CHODL: variants seen among roughly 807,000 people sequenced by gnomAD.
CHODL encodes the protein transmembrane protein MT75.
Under a neutral mutation model 34.5 loss-of-function variants are expected in CHODL, and 29 were observed. The observed-to-expected ratio is 0.84, with a 90% CI of 0.63 to 1.15. The LOEUF (loss-of-function observed/expected upper bound fraction) is 1.15. CHODL is among the 50% of genes most tolerant of loss of function. CHODL has a pLI of 0.00. For synonymous variants in CHODL, 125 were observed against 116.1 expected, an observed-to-expected ratio of 1.08 and a Z score of -0.49; for missense variants, 332 against 332.5, an observed-to-expected ratio of 1.00 and a Z score of 0.01.
chr21:17,964,118 T>C (rs562474442), intron 1 of CHODL, among the ~76,000 whole-genome samples: 5 of 152,312 alleles, frequency 3.3e-5, no homozygotes, highest in African/African-American at 1.2e-4. Context: ...CATTCATGCT[T>C]TGAAATTTCT....
chr21:17,978,828 T>C lies in CHODL; in HGVS notation c.-144-49044T>C, dbSNP rs1251324548. ...GATTCCACTTCCAGGCCCATTCATA[T>C]TGTTGACAGAATTAAGTTCTTTGTG... On this transcript the variant is annotated intron_variant, in intron 1 of 6. Coordinates refer to the CHODL transcript ENST00000400127. 5.3e-5 allele frequency among the ~76,000 whole-genome samples: 8 copies of C among 152,086 alleles called. No homozygotes were observed. The East Asian group carries it at 1.5e-3, about 29-fold the overall frequency.
At chr21:18,199,254 C>T (rs190433519) in intron 2 of CHODL, among the ~76,000 whole-genome samples, 1 of 151,926 alleles carries the variant, frequency 6.6e-6, no homozygotes, top group African/African-American at 2.4e-5. Flanking sequence ...CTTTTAAGGG[C>T]GGTATCGTTT....
chr21:18,020,296 A>G (rs949524673), intron 1 of CHODL, among the ~76,000 whole-genome samples: 1 of 152,210 alleles, frequency 6.6e-6, no homozygotes, highest in Non-Finnish European at 1.5e-5. Context: ...AATTAAATTA[A>G]TATGAAAAAT....
intron 1 of CHODL, among the ~76,000 whole-genome samples, chr21:18,004,484 A>G (rs1409832335): frequency 6.6e-6 from 1 of 152,240 alleles, no homozygotes; most frequent in Non-Finnish European, 1.5e-5. Context: ...GCTTGTTGAC[A>G]TACCTGAAAT....
At chr21:18,197,337 G>A (rs985780762) in intron 2 of CHODL, among the ~76,000 whole-genome samples, 8 of 152,146 alleles carry the variant, frequency 5.3e-5, no homozygotes, top group Non-Finnish European at 1.0e-4. Context: ...GTGGCTGAGC[G>A]CAGTGGCTCA....
At chr21:18,195,115 T>C (rs181908057) in intron 2 of CHODL, among the ~76,000 whole-genome samples, 3 of 152,052 alleles carry the variant, frequency 2.0e-5, no homozygotes, top group African/African-American at 7.2e-5. Flanking sequence ...AGTGCAGTGG[T>C]GTGATCTCCA....
intron 1 of CHODL, among the ~76,000 whole-genome samples, chr21:17,963,510 T>C (rs947885756): frequency 4.6e-5 from 7 of 152,190 alleles, no homozygotes; most frequent in African/African-American, 1.7e-4. Flanking sequence ...AGATAGCATA[T>C]GCAGGGGAAC....
At chr21:18,046,743 C>T (rs2064448412) in intron 2 of CHODL, among the ~76,000 whole-genome samples, 1 of 151,798 alleles carries the variant, frequency 6.6e-6, no homozygotes, top group South Asian at 2.1e-4. Flanking sequence ...ATGAATATAT[C>T]CTTTAACATT....
intron 2 of CHODL, among the ~76,000 whole-genome samples, chr21:18,193,715 A>T (rs980052046): frequency 9.8e-4 from 139 of 142,144 alleles, no homozygotes; most frequent in Non-Finnish European, 7.7e-4. Context: ...AAAAAATAAA[A>T]TAAATAAATA....
chr21:18,076,685 A>G (rs2064870471), intron 2 of CHODL, among the ~76,000 whole-genome samples: 1 of 152,194 alleles, frequency 6.6e-6, no homozygotes, highest in African/African-American at 2.4e-5. Context: ...GAAGCCAGGA[A>G]CTATTGTCTA....
chr21:18,041,798 G>A (rs1205035180), intron 2 of CHODL, among the ~76,000 whole-genome samples: 1 of 151,766 alleles, frequency 6.6e-6, no homozygotes, highest in Admixed American at 6.6e-5. Context: ...TAAATTACAG[G>A]TGAGTCTTAG....
intron 2 of CHODL, among the ~76,000 whole-genome samples, chr21:18,083,149 T>G (rs1426303577): frequency 6.6e-6 from 1 of 152,204 alleles, no homozygotes; most frequent in Non-Finnish European, 1.5e-5. Flanking sequence ...TCTTGGGACA[T>G]GGCACCCTGT....
chr21:18,014,949 A>T (rs1003171748), intron 1 of CHODL, among the ~76,000 whole-genome samples: 1 of 152,228 alleles, frequency 6.6e-6, no homozygotes, highest in African/African-American at 2.4e-5. Flanking sequence ...GAAAATATGG[A>T]AACAACTTTG....
chr21:18,063,452 T>C (rs1350091079), intron 2 of CHODL, among the ~76,000 whole-genome samples: 1 of 152,184 alleles, frequency 6.6e-6, no homozygotes, highest in Non-Finnish European at 1.5e-5. Flanking sequence ...AGTGGAATGT[T>C]CTCATTTGTG....
chr21:18,089,088 C>T (rs2065041338), intron 2 of CHODL, among the ~76,000 whole-genome samples: 1 of 152,180 alleles, frequency 6.6e-6, no homozygotes, highest in African/African-American at 2.4e-5. Context: ...AATCCTTTTT[C>T]AAACTTGACA....
At chr21:17,978,118 A>G (rs991693941) in intron 1 of CHODL, among the ~76,000 whole-genome samples, 1 of 151,924 alleles carries the variant, frequency 6.6e-6, no homozygotes, top group African/African-American at 2.4e-5. Flanking sequence ...TTCACTGGGT[A>G]TTACCAAGCC....
chr21:18,059,354 G>A (rs2064626671), intron 2 of CHODL, among the ~76,000 whole-genome samples: 1 of 152,182 alleles, frequency 6.6e-6, no homozygotes, highest in Non-Finnish European at 1.5e-5. Context: ...TGTCCAGTCT[G>A]TGGTATTTTG....
rs369905118 is a variant in CHODL at position 17,966,113 on chromosome 21, A to G, written c.-145+48713A>G. 1.8e-4 allele frequency among the ~76,000 whole-genome samples: 27 copies of G among 152,222 alleles called. 1 individual carries two copies. The highest frequency in any genetic ancestry group is 5.1e-4 in the African/African-American group (21 of 41,556). The stretch of plus-strand genomic sequence containing the variant: ...GAGGCATCTGTCAGGTTCAGATTTG[A>G]TAAGAAATGATGGAGAGATGGCATT... On this transcript the variant is annotated intron_variant, in intron 1 of 6. Coordinates refer to the CHODL transcript ENST00000400127.
chr21:18,136,084 C>T (rs971851360), intron 2 of CHODL, among the ~76,000 whole-genome samples: 1 of 108,714 alleles, frequency 9.2e-6, no homozygotes, highest in African/African-American at 3.7e-5. Flanking sequence ...TCCAGCCTAG[C>T]GACAGAGCAA....
Sources: allele counts gnomAD v4.1 joint callset (sites outside exome capture counted in the v4.1 genomes callset), GRCh38; gene constraint gnomAD v4.1.1; transcripts MANE v1.5; gene names NCBI Gene and HGNC (gene_info 2026-07-23, HGNC 2026-07-21).